ABR: variants seen among roughly 807,000 people sequenced by gnomAD.
The protein encoded by ABR is active breakpoint cluster region-related protein.
A neutral mutation model predicts 107.2 loss-of-function variants in ABR; 35 were observed. The observed-to-expected ratio is 0.33, with a 90% confidence interval of 0.25 to 0.43. The LOEUF (loss-of-function observed/expected upper bound fraction) is 0.43. ABR is among the 20% of genes least tolerant of loss of function. The pLI is 1.00. For synonymous variants in ABR, 498 were observed against 462.0 expected (o/e 1.08, Z -1.00); for missense variants, 815 against 1,115.2 (o/e 0.73, Z 3.83).
At chr17:1,173,819 C>T (rs574462771) in intron 1 of ABR, among the ~76,000 whole-genome samples, 55 of 152,368 alleles carry the variant, frequency 3.6e-4, no homozygotes, top group African/African-American at 1.3e-3. Context: ...CCTCCTGCCA[C>T]ATTCCCTGCC....
intron 10 of ABR, among the ~76,000 whole-genome samples, chr17:1,066,424 C>T (rs1054165889): frequency 1.3e-5 from 2 of 152,148 alleles, no homozygotes; most frequent in Non-Finnish European, 2.9e-5. Context: ...TATTTGCCTA[C>T]TTGATCTGTC....
chr17:1,132,091 G>A (rs986060470), intron 1 of ABR, among the ~76,000 whole-genome samples: 4 of 151,968 alleles, frequency 2.6e-5, no homozygotes, highest in Non-Finnish European at 4.4e-5. Context: ...GGTGGCTCAC[G>A]CCTGTCATCC....
chr17:1,065,999 C>T (rs2034699957), intron 10 of ABR, among the ~76,000 whole-genome samples: 1 of 152,136 alleles, frequency 6.6e-6, no homozygotes, highest in Non-Finnish European at 1.5e-5. Flanking sequence ...CCTGCCTGGG[C>T]CTCCTAAAGT....
chr17:1,108,725 T>C (rs560429941), intron 2 of ABR, among the ~76,000 whole-genome samples: 2 of 152,050 alleles, frequency 1.3e-5, no homozygotes, highest in Admixed American at 6.5e-5. Flanking sequence ...TGGGCTGGCC[T>C]GGAGGGGGCG....
chr17:1,137,867 A>G (rs572374600), intron 1 of ABR, among the ~76,000 whole-genome samples: 11 of 152,142 alleles, frequency 7.2e-5, no homozygotes, highest in Non-Finnish European at 1.5e-4. Flanking sequence ...TTTAGGTTGG[A>G]GCAAAGGTAA....
chr17:1,039,690 C>A lies in ABR; in HGVS notation c.1791+10360G>T, dbSNP rs11247576. ...GCAGGAAGTAGAACCAGGCCTGGGG[C>A]TCAGCCTCCACGGTCCCTATGTGCC... On this transcript the variant is annotated intron_variant, in intron 16 of 22. Transcript: ENST00000302538. 1,462 of 152,580 alleles carry A rather than the reference C, an allele frequency of 9.6e-3. 16 individuals are homozygous for A. Among genetic ancestry groups the A allele is most frequent in the Admixed American group, 0.017 (256 of 15,306 alleles). 9.5% of individuals were successfully genotyped at this position (152,580 alleles called of 1,614,324 possible). A position where few individuals can be genotyped will look rare whatever the true frequency, so the allele number is the denominator to read the frequency against.
At chr17:1,159,412 C>A (rs112798046) in intron 1 of ABR, among the ~76,000 whole-genome samples, 8 of 83,428 alleles carry the variant, frequency 9.6e-5, no homozygotes, top group African/African-American at 3.8e-4. Flanking sequence ...AGTAGGAATG[C>A]GGTACTCACA....
Position 1,157,036 on chromosome 17 carries a change from C to T in ABR, c.61+22631G>A, listed in dbSNP as rs946375191. Among the ~76,000 whole-genome samples the T allele has an allele frequency of 2.0e-5, 3 of 152,184 alleles. No individual in the cohort carries two copies. Among genetic ancestry groups the T allele is most frequent in the African/African-American group, 7.2e-5 (3 of 41,430 alleles). On this transcript the variant is annotated intron_variant, in intron 1 of 22. Transcript: ENST00000302538. The surrounding 1 kb of genome is among the most constrained non-coding windows in gnomAD (Gnocchi z 4.7). ...AATAACAACAGTCCACACACACATACGATAAGTTAACTCACCGCAGCCTCA... is the reference window on the plus strand; with the variant it reads ...AATAACAACAGTCCACACACACATATGATAAGTTAACTCACCGCAGCCTCA...
At chr17:1,196,835 CA>C (rs1232334065) in intron 1 of ABR, among the ~76,000 whole-genome samples, 2 of 152,006 alleles carry the variant, frequency 1.3e-5, no homozygotes, top group Non-Finnish European at 2.9e-5. Flanking sequence ...GCTGGGACTA[CA>C]GGCGCCCACC....
chr17:1,186,407 C>T (rs1225229135), intron 1 of ABR, among the ~76,000 whole-genome samples: 1 of 152,238 alleles, frequency 6.6e-6, no homozygotes, highest in Non-Finnish European at 1.5e-5. Context: ...GACCTGCTGC[C>T]CTGGCAAGAT....
At chr17:1,149,063 G>A (rs895404843) in intron 1 of ABR, among the ~76,000 whole-genome samples, 5 of 150,854 alleles carry the variant, frequency 3.3e-5, no homozygotes, top group African/African-American at 1.2e-4. Context: ...CACCATGCCT[G>A]GCTAAATTTT....
intron 11 of ABR, among the ~76,000 whole-genome samples, chr17:1,058,275 G>T (rs902789034): frequency 6.6e-6 from 1 of 152,024 alleles, no homozygotes; most frequent in Non-Finnish European, 1.5e-5. Context: ...GAGTAGCTGG[G>T]ATTACAGGTG....
At chr17:1,028,248 G>A (rs1440702459) in intron 16 of ABR, among the ~76,000 whole-genome samples, 7 of 147,960 alleles carry the variant, frequency 4.7e-5, no homozygotes, top group Admixed American at 3.5e-4. Context: ...CCGCCACCAT[G>A]CCCGGCTATT....
Position 1,011,055 on chromosome 17 carries a change from G to A in ABR, c.2102-192C>T. On this transcript the variant is annotated intron_variant, in intron 19 of 22. Coordinates refer to ENST00000302538, the MANE Select transcript of ABR (RefSeq NM_021962.5). This position sits in a 1 kb window ranked among gnomAD's most constrained non-coding sequence, Gnocchi z 4.8. ...GGTCGGGGTTGGGGGAACAGGGAGA[G>A]ATAGCCTGGGGGCCATCTGCTGTGG... 2 of 666,160 alleles carry A rather than the reference G, an allele frequency of 3.0e-6. No individual in the cohort carries two copies. Among genetic ancestry groups the A allele is most frequent in the Non-Finnish European group, 5.0e-6 (2 of 397,942 alleles). The allele number at this position is 666,160 out of a possible 1,614,324, so 41.3% of individuals were successfully genotyped here. A position where few individuals can be genotyped will look rare whatever the true frequency, so the allele number is the denominator to read the frequency against.
intron 16 of ABR, among the ~76,000 whole-genome samples, chr17:1,034,623 C>T (rs1214820211): frequency 6.6e-6 from 1 of 152,030 alleles, no homozygotes; most frequent in Non-Finnish European, 1.5e-5. Flanking sequence ...GAAAGGCCAT[C>T]CACCCTCACT....
chr17:1,227,286 A>T (rs1325870846), intron 1 of ABR, among the ~76,000 whole-genome samples: 1 of 152,096 alleles, frequency 6.6e-6, no homozygotes, highest in Non-Finnish European at 1.5e-5. Flanking sequence ...CACCCCGGGG[A>T]GGGTGACAGA....
chr17:1,083,351 T>C (rs1054576521), intron 5 of ABR, 169 bp downstream of exon 5: 1 of 403,612 alleles, frequency 2.5e-6, no homozygotes, highest in East Asian at 3.7e-5. Flanking sequence ...ATAGATCGTT[T>C]TCTATTAAGA....
At chr17:1,162,359 T>G (rs1434628743) in intron 1 of ABR, among the ~76,000 whole-genome samples, 1 of 152,208 alleles carries the variant, frequency 6.6e-6, no homozygotes, top group African/African-American at 2.4e-5. Flanking sequence ...AGACACAGCC[T>G]GGTTTCCTGG....
At chr17:1,109,232 C>T in intron 2 of ABR, 2 of 958,132 alleles carry the variant, frequency 2.1e-6, no homozygotes, top group Non-Finnish European at 2.8e-6. Flanking sequence ...GTCCAGCCCG[C>T]TCCGCCGCCG....
Sources: gnomAD v4.1 joint callset for allele counts (sites outside exome capture counted in the v4.1 genomes callset) on GRCh38, gnomAD v4.1.1 for gene constraint, Gnocchi (gnomAD v3.1) non-coding constraint, MANE v1.5 for transcripts, NCBI Gene and HGNC (gene_info 2026-07-23, HGNC 2026-07-21) for gene names.